BAHCC1: variants seen among roughly 807,000 people sequenced by gnomAD.
BAHCC1 encodes BAH and coiled-coil domain-containing protein 1.
A neutral mutation model predicts 88.2 loss-of-function variants in BAHCC1; 43 were observed. The observed-to-expected ratio is 0.49, with a 90% CI of 0.38 to 0.63. The LOEUF is 0.63. Among genes scored for constraint, BAHCC1 ranks in the 20% least tolerant of loss-of-function variants. The pLI, the probability that BAHCC1 is intolerant of heterozygous loss-of-function variation, is 0.00. For missense variants in BAHCC1, 3,023 were observed against 1,654.8 expected, an observed-to-expected ratio of 1.83 and a Z score of -14.34; for synonymous variants, 1,510 against 745.5, an observed-to-expected ratio of 2.03 and a Z score of -16.71.
At chr17:81,413,223 G>A (rs968166115) in intron 2 of BAHCC1, 1 of 281,692 alleles carries the variant, frequency 3.5e-6, no homozygotes, top group Admixed American at 5.3e-5. Flanking sequence ...TGCCCCCCCC[G>A]GGCGCTCGCT....
In BAHCC1 at chr17:81,411,016, C is replaced by T. The variant is rs541967634; in HGVS notation, c.178+11099C>T. ...GAGCCGCACCTGGGTCTTTGTTGTC[C>T]ATATGTCTGTGTGAAGGCCTGGGGC... On this transcript the variant is annotated intron_variant, in intron 2 of 27. Transcript: ENST00000675386. The surrounding 1 kb of genome is among the most constrained non-coding windows in gnomAD (Gnocchi z 6.2). The T allele has an allele frequency of 3.9e-6, 2 of 513,536 alleles. No individual in the cohort carries two copies. The highest frequency in any genetic ancestry group is 2.0e-5 in the Admixed American group (1 of 50,520). The allele number at this position is 513,536 out of a possible 1,614,324, so 31.8% of individuals were successfully genotyped here.
rs142007460 is a variant in BAHCC1, at chr17:81,424,832, G to A, written c.179-1968G>A. On this transcript the variant is annotated intron_variant, in intron 2 of 27. Transcript: ENST00000675386. ...GCTGGGTGATATGGTTGGTGATGATGATGTGGTTGGTGACAGGTGATGTGG... is the reference window on the plus strand; with the variant it reads ...GCTGGGTGATATGGTTGGTGATGATAATGTGGTTGGTGACAGGTGATGTGG... 4.4e-4 allele frequency among the ~76,000 whole-genome samples: 67 copies of A among 151,630 alleles called. 1 individual carries two copies. Among genetic ancestry groups the A allele is most frequent in the African/African-American group, 1.5e-3 (63 of 41,318 alleles).
rs189955106 is a variant in BAHCC1 at position 81,413,144 on chromosome 17, G to A, written c.178+13227G>A. 358 of 444,398 alleles carry A rather than the reference G, an allele frequency of 8.1e-4. 2 individuals carry two copies. Among genetic ancestry groups the A allele is most frequent in the African/African-American group, 6.4e-3 (315 of 49,410 alleles). 27.5% of individuals were successfully genotyped at this position (444,398 alleles called of 1,614,324 possible). On this transcript the variant is annotated intron_variant, in intron 2 of 27. Transcript: ENST00000675386. ...CTGAGGCCCCCCACAGCAGCCATAC[G>A]CTCCCCAACCCCAGAGTGGGCCGTC...
chr17:81,428,181 G>T (rs912943985), intron 3 of BAHCC1, among the ~76,000 whole-genome samples: 2 of 152,170 alleles, frequency 1.3e-5, no homozygotes, highest in Admixed American at 6.5e-5. Flanking sequence ...TGCACTACTA[G>T]CGGCCTCCTG....
At chr17:81,409,216 A>G (rs1205961592) in intron 2 of BAHCC1, among the ~76,000 whole-genome samples, 1 of 152,160 alleles carries the variant, frequency 6.6e-6, no homozygotes, top group South Asian at 2.1e-4. Flanking sequence ...TTCGTGTAGC[A>G]TCTTCAGTTG....
intron 4 of BAHCC1, among the ~76,000 whole-genome samples, chr17:81,440,712 C>T (rs1455048656): frequency 6.6e-6 from 1 of 152,172 alleles, no homozygotes; most frequent in Non-Finnish European, 1.5e-5. Flanking sequence ...AGGGCCCAGA[C>T]CGAGGGCCCA....
At chr17:81,421,866 A>C (rs531864686) in intron 2 of BAHCC1, 266 of 322,030 alleles carry the variant, frequency 8.3e-4, no homozygotes, top group Non-Finnish European at 1.2e-3. Context: ...CTCAGTACGC[A>C]GGATGCCTGG....
chr17:81,416,317 CGT>C (rs1286369031), intron 2 of BAHCC1, among the ~76,000 whole-genome samples: 4 of 112,020 alleles, frequency 3.6e-5, no homozygotes, highest in East Asian at 5.6e-4. Flanking sequence ...TGGGTGTATG[CGT>C]GTGTGTCCAT....
In BAHCC1 at chr17:81,443,102, G is replaced by A. The variant is rs1555653162; in HGVS notation, c.1753G>A (p.Gly585Ser). ...CAGTGGGCCCCACCTGCCCCCATGGGGTGTCCAGGCAGGCCAGGGCACCGC... is the reference window on the plus strand; with the variant it reads ...CAGTGGGCCCCACCTGCCCCCATGGAGTGTCCAGGCAGGCCAGGGCACCGC... ...GYSGPHLPPWGVQAGQGTAMA... is the reference protein window; with the variant it reads ...GYSGPHLPPWSVQAGQGTAMA... The change falls in exon 5 of 28, where the codon GGT becomes AGT. Residue 585 changes from glycine to serine, a missense_variant. Coordinates refer to ENST00000675386, the MANE Select transcript of BAHCC1 (RefSeq NM_001377448.1). 3.9e-6 allele frequency: 3 copies of A among 778,196 alleles called. No homozygotes were observed. Among genetic ancestry groups the A allele is most frequent in the Non-Finnish European group, 7.2e-6 (3 of 417,478 alleles). The allele number at this position is 778,196 out of a possible 1,614,324, so 48.2% of individuals were successfully genotyped here.
At chr17:81,437,053 T>C (rs2064346427) in intron 3 of BAHCC1, among the ~76,000 whole-genome samples, 2 of 152,210 alleles carry the variant, frequency 1.3e-5, no homozygotes, top group Middle Eastern at 3.2e-3. Context: ...CTGCCACTGC[T>C]GGGGGACCCA....
At chr17:81,426,162 G>GT (rs2064194926) in intron 2 of BAHCC1, among the ~76,000 whole-genome samples, 2 of 144,634 alleles carry the variant, frequency 1.4e-5, no homozygotes, top group Admixed American at 6.9e-5. Context: ...GATGTGGTTG[G>GT]GGGTGATAGT....
intron 1 of BAHCC1, among the ~76,000 whole-genome samples, chr17:81,398,007 T>C (rs145322051): frequency 6.6e-6 from 1 of 152,302 alleles, no homozygotes; most frequent in East Asian, 1.9e-4. Context: ...ACCCGGACCA[T>C]AAAATATCGC....
chr17:81,463,309 C>T (rs1177079432), intron 27 of BAHCC1, among the ~76,000 whole-genome samples: 1 of 152,218 alleles, frequency 6.6e-6, no homozygotes, highest in Non-Finnish European at 1.5e-5. Context: ...CTCAGCACAC[C>T]CTCTGCTCCT....
chr17:81,397,321 T>G (rs1242971928), intron 1 of BAHCC1, among the ~76,000 whole-genome samples: 1 of 151,644 alleles, frequency 6.6e-6, no homozygotes, highest in African/African-American at 2.4e-5. Context: ...AAATTGTTGC[T>G]TCGTAGCCGA....
rs1268308824 is a variant in BAHCC1, at chr17:81,443,645, C to G, written c.2215+81C>G. 9.6e-6 allele frequency: 6 copies of G among 623,770 alleles called. No homozygotes were observed. The East Asian group carries it at 1.6e-4, about 17-fold the overall frequency. 38.6% of individuals were successfully genotyped at this position (623,770 alleles called of 1,614,324 possible). On this transcript the variant is annotated intron_variant, in intron 5 of 27. Transcript: ENST00000675386. ...GGCCCTGCCCTGCGCCCCGGCTCCC[C>G]AGCTCCCACACCTGCCCTTGGCAGA...
chr17:81,442,861 C>T lies in BAHCC1; in HGVS notation c.1512C>T (p.Ala504=), dbSNP rs1555653044. ...FELPTSSQDC[A]RPGHQDPLGG... ...TGCCCACCTCTTCACAGGACTGTGC[C>T]CGGCCTGGTCACCAGGACCCGCTGG... Residue 504 remains alanine (A), a synonymous_variant, in exon 5 of 28, where the codon GCC becomes GCT. Transcript: ENST00000675386. 1.3e-6 allele frequency: 1 copy of T among 779,460 alleles called. No homozygotes were observed. The highest frequency in any genetic ancestry group is 2.4e-6 in the Non-Finnish European group (1 of 417,904). 48.3% of individuals were successfully genotyped at this position (779,460 alleles called of 1,614,324 possible). A position where few individuals can be genotyped will look rare whatever the true frequency, so the allele number is the denominator to read the frequency against.
Position 81,399,047 on chromosome 17 carries a change from G to T in BAHCC1, c.-206-487G>T, listed in dbSNP as rs1335977127. On this transcript the variant is annotated intron_variant, in intron 1 of 27. Transcript: ENST00000675386. The surrounding 1 kb of genome is among the most constrained non-coding windows in gnomAD (Gnocchi z 4.5). Reference sequence around the variant, plus strand: ...TGGACCTCGGCATGAGGTGGGGAGAGGGGGAGAGCTAGTGTGGACCCCAGG... The same window carrying T: ...TGGACCTCGGCATGAGGTGGGGAGATGGGGAGAGCTAGTGTGGACCCCAGG... 2 of 169,206 alleles carry T rather than the reference G, an allele frequency of 1.2e-5. No homozygotes were observed. The highest frequency in any genetic ancestry group is 2.4e-5 in the African/African-American group (1 of 41,508). The allele number at this position is 169,206 out of a possible 1,614,324, so 10.5% of individuals were successfully genotyped here.
chr17:81,459,924 A>T (rs1555658633), intron 23 of BAHCC1, among the ~76,000 whole-genome samples: 2 of 152,126 alleles, frequency 1.3e-5, no homozygotes, highest in Non-Finnish European at 2.9e-5. Context: ...AGGCAGGGGC[A>T]TGTAGGTCCC....
rs989213353 is a variant in BAHCC1, at chr17:81,455,826, G to A, written c.4569+436G>A. Among the ~76,000 whole-genome samples the A allele has an allele frequency of 3.3e-5, 5 of 152,088 alleles. No homozygotes were observed. In the South Asian group the frequency reaches 1.0e-3, roughly 32 times the overall value. The stretch of plus-strand genomic sequence containing the variant: ...GCACCCTGTTTCTTCTTGGCGTGGT[G>A]GGGGCTCTCTCGGCTGCCGACACCC... On this transcript the variant is annotated intron_variant, in intron 15 of 27. Transcript: ENST00000675386.
Sources: gnomAD v4.1 joint callset for allele counts (sites outside exome capture counted in the v4.1 genomes callset) on GRCh38, gnomAD v4.1.1 for gene constraint, Gnocchi (gnomAD v3.1) non-coding constraint, MANE v1.5 for transcripts, NCBI Gene and HGNC (gene_info 2026-07-23, HGNC 2026-07-21) for gene names.